The following GRIP1 variants were observed in gnomAD, a reference collection of about 807,000 sequenced individuals.
GRIP1 encodes glutamate receptor-interacting protein 1.
A neutral mutation model predicts 129.9 loss-of-function variants in GRIP1; 45 were observed. The ratio of observed to expected loss-of-function variants is 0.35; its 90% CI spans 0.27 to 0.44. The LOEUF (loss-of-function observed/expected upper bound fraction) is 0.44. GRIP1 is among the 20% of genes least tolerant of loss of function. GRIP1 has a pLI of 1.00. For synonymous variants in GRIP1, 530 were observed against 520.8 expected (o/e 1.02, Z -0.24); for missense variants, 1,196 against 1,396.8 (o/e 0.86, Z 2.29).
chr12:66,823,581 T>C (rs1487468552), intron 1 of GRIP1, among the ~76,000 whole-genome samples: 1 of 152,156 alleles, frequency 6.6e-6, no homozygotes, highest in African/African-American at 2.4e-5. Flanking sequence ...TCTATCTCTA[T>C]AGCAGAAAAA....
At chr12:66,648,387 A>G (rs2032536676) in intron 1 of GRIP1, among the ~76,000 whole-genome samples, 1 of 152,244 alleles carries the variant, frequency 6.6e-6, no homozygotes, top group Admixed American at 6.5e-5. Flanking sequence ...GATCACGAGA[A>G]TATGGCTTCT....
At chr12:66,469,040 A>G (rs1009058734) in intron 7 of GRIP1, among the ~76,000 whole-genome samples, 1 of 152,224 alleles carries the variant, frequency 6.6e-6, no homozygotes, top group Non-Finnish European at 1.5e-5. Flanking sequence ...TTAAAGTAGA[A>G]AGCTTTACAG....
chr12:66,772,110 A>T (rs890140331), intron 1 of GRIP1, among the ~76,000 whole-genome samples: 1 of 152,236 alleles, frequency 6.6e-6, no homozygotes, highest in East Asian at 1.9e-4. Context: ...GTAAGATATC[A>T]TCCCCATTTT....
intron 1 of GRIP1, among the ~76,000 whole-genome samples, chr12:66,839,403 A>C (rs912466134): frequency 6.6e-6 from 1 of 152,168 alleles, no homozygotes; most frequent in Non-Finnish European, 1.5e-5. Context: ...AATTATGAGA[A>C]TTTTCAAAAT....
intron 1 of GRIP1, among the ~76,000 whole-genome samples, chr12:67,020,404 T>C (rs1277652273): frequency 1.3e-5 from 2 of 152,214 alleles, no homozygotes; most frequent in Non-Finnish European, 2.9e-5. Flanking sequence ...AACAGACACT[T>C]AAGCACTCAT....
chr12:66,539,544 G>GTTTGT (rs1250833017), intron 3 of GRIP1, among the ~76,000 whole-genome samples: 1 of 67,668 alleles, frequency 1.5e-5, no homozygotes, highest in African/African-American at 6.1e-5. Context: ...ATCAAGAGAA[G>GTTTGT]CTTTTTTTTT....
chr12:66,897,460 T>C (rs2137255426), intron 1 of GRIP1, among the ~76,000 whole-genome samples: 1 of 152,286 alleles, frequency 6.6e-6, no homozygotes, highest in East Asian at 1.9e-4. Context: ...TATAATACCA[T>C]TTAGGTCAGA....
chr12:66,748,706 C>T (rs969478493), intron 1 of GRIP1, among the ~76,000 whole-genome samples: 4 of 152,156 alleles, frequency 2.6e-5, no homozygotes, highest in African/African-American at 9.7e-5. Flanking sequence ...ACATGGTCTA[C>T]GATTTCTTGG....
intron 1 of GRIP1, among the ~76,000 whole-genome samples, chr12:66,799,147 G>A (rs1373598901): frequency 6.6e-6 from 1 of 151,960 alleles, no homozygotes; most frequent in Non-Finnish European, 1.5e-5. Context: ...AGATTCTAAG[G>A]TCCCTTTCAA....
At chr12:67,038,124 C>A (rs1289250449) in intron 1 of GRIP1, among the ~76,000 whole-genome samples, 1 of 152,136 alleles carries the variant, frequency 6.6e-6, no homozygotes, top group African/African-American at 2.4e-5. Context: ...AAGGACTAAC[C>A]AATGACTTTT....
chr12:66,789,346 G>A, intron 1 of GRIP1, among the ~76,000 whole-genome samples: 1 of 152,158 alleles, frequency 6.6e-6, no homozygotes, highest in East Asian at 1.9e-4. Context: ...AGGAATGCCA[G>A]TATTCACTAG....
At chr12:66,634,082 G>T (rs1202364496) in intron 1 of GRIP1, among the ~76,000 whole-genome samples, 1 of 152,144 alleles carries the variant, frequency 6.6e-6, no homozygotes, top group African/African-American at 2.4e-5. Context: ...GGCAACAAAG[G>T]CTTCTTTTCT....
intron 7 of GRIP1, among the ~76,000 whole-genome samples, chr12:66,476,062 A>C (rs906014858): frequency 3.9e-5 from 6 of 152,202 alleles, no homozygotes; most frequent in Admixed American, 3.3e-4. Context: ...ACCCTTCAAA[A>C]AATCAATGAA....
intron 1 of GRIP1, among the ~76,000 whole-genome samples, chr12:66,698,765 G>C (rs1565974469): frequency 6.6e-6 from 1 of 152,122 alleles, no homozygotes; most frequent in African/African-American, 2.4e-5. Flanking sequence ...AGCCCAGTAG[G>C]TGGAAGCACC....
intron 7 of GRIP1, among the ~76,000 whole-genome samples, chr12:66,502,669 C>G (rs940234300): frequency 6.6e-6 from 1 of 152,098 alleles, no homozygotes; most frequent in African/African-American, 2.4e-5. Flanking sequence ...CTTGCTTATG[C>G]TCTTGTCCTG....
chr12:66,771,201 A>G (rs146230032), intron 1 of GRIP1, among the ~76,000 whole-genome samples: 26 of 152,266 alleles, frequency 1.7e-4, no homozygotes, highest in African/African-American at 6.0e-4. Flanking sequence ...CTCACAGCCC[A>G]TTTTATCTTT....
At chr12:66,414,035 CACAAG>C (rs976815978) in intron 15 of GRIP1, among the ~76,000 whole-genome samples, 28 of 152,176 alleles carry the variant, frequency 1.8e-4, no homozygotes, top group African/African-American at 6.7e-4. Flanking sequence ...TGAAAACTAG[CACAAG>C]ACAAGGATGC....
At chr12:66,543,903 G>T (rs1565846407) in intron 2 of GRIP1, among the ~76,000 whole-genome samples, 1 of 152,006 alleles carries the variant, frequency 6.6e-6, no homozygotes. Context: ...TCATGAAGAA[G>T]CAACTCTAAA....
intron 1 of GRIP1, among the ~76,000 whole-genome samples, chr12:66,929,086 A>G (rs2041344061): frequency 6.6e-6 from 1 of 152,238 alleles, no homozygotes; most frequent in Non-Finnish European, 1.5e-5. Context: ...CAAGAATAGC[A>G]GTCTCTCCAA....
Sources: allele counts gnomAD v4.1 joint callset (sites outside exome capture counted in the v4.1 genomes callset), GRCh38; gene constraint gnomAD v4.1.1; transcripts MANE v1.5; gene names NCBI Gene and HGNC (gene_info 2026-07-23, HGNC 2026-07-21).